AGBL4: variants seen among roughly 807,000 people sequenced by gnomAD.
AGBL4 encodes cytosolic carboxypeptidase 6.
Under a neutral mutation model 66.4 loss-of-function variants are expected in AGBL4, and 58 were observed. The observed-to-expected ratio is 0.87, with a 90% CI of 0.71 to 1.09. The LOEUF is 1.09. AGBL4 is among the 50% of genes least tolerant of loss of function. AGBL4 has a pLI of 0.00. For synonymous variants in AGBL4, 234 were observed against 222.9 expected (o/e 1.05, Z -0.44); for missense variants, 579 against 631.0 (o/e 0.92, Z 0.88).
intron 6 of AGBL4, among the ~76,000 whole-genome samples, chr1:48,740,298 G>C (rs1298376944): frequency 6.6e-6 from 1 of 152,200 alleles, no homozygotes. Flanking sequence ...AGACTGGTGA[G>C]AGTACTGGCC....
chr1:48,559,710 C>T (rs1482433483), intron 11 of AGBL4, among the ~76,000 whole-genome samples: 2 of 152,086 alleles, frequency 1.3e-5, no homozygotes, highest in Non-Finnish European at 2.9e-5. Flanking sequence ...CTCGAATGTT[C>T]TTAATCCAGC....
intron 3 of AGBL4, among the ~76,000 whole-genome samples, chr1:49,423,846 G>A (rs140952623): frequency 2.7e-5 from 4 of 147,984 alleles, no homozygotes; most frequent in African/African-American, 7.4e-5. Flanking sequence ...GGCAACTAAC[G>A]TAAATGGTTT....
Position 49,636,130 on chromosome 1 carries a change from GA to G in AGBL4, c.282+61182del, listed in dbSNP as rs1165427558. ...TAGATTATAAATGTAAATATGGAAG[GA>G]AAACCAGAGAGTAGAATGGATAAAC... On this transcript the variant is annotated intron_variant, in intron 3 of 13. Transcript: ENST00000371839. Among the ~76,000 whole-genome samples, 6 of 152,226 alleles carry G rather than the reference GA, an allele frequency of 3.9e-5. No individual in the cohort carries two copies. In the East Asian group the frequency reaches 1.2e-3, roughly 29 times the overall value.
intron 5 of AGBL4, among the ~76,000 whole-genome samples, chr1:48,977,670 AT>A (rs1289760709): frequency 6.6e-6 from 1 of 152,128 alleles, no homozygotes; most frequent in Non-Finnish European, 1.5e-5. Flanking sequence ...ACCACTGGTC[AT>A]TTAGAGTTCC....
chr1:49,465,835 C>T lies in AGBL4; in HGVS notation c.283-219971G>A, dbSNP rs1262436316. ...GTGAAAGTCTGATGTTTATTCCCCT[C>T]AAAACACCAAATTATACTGAGAAGA... On this transcript the variant is annotated intron_variant, in intron 3 of 13. Coordinates refer to ENST00000371839, the MANE Select transcript of AGBL4 (RefSeq NM_032785.4). Among the ~76,000 whole-genome samples, 4 of 151,824 alleles carry T rather than the reference C, an allele frequency of 2.6e-5. No individual in the cohort carries two copies. In the South Asian group the frequency reaches 6.2e-4, roughly 24 times the overall value.
chr1:48,696,761 A>C (rs17374251), intron 6 of AGBL4, among the ~76,000 whole-genome samples: 2,106 of 152,282 alleles, frequency 0.014, 19 homozygotes, highest in Non-Finnish European at 0.022. Context: ...AGTTTATAGA[A>C]ATTACAGCAA....
At chr1:49,171,376 C>T (rs1193933384) in intron 4 of AGBL4, among the ~76,000 whole-genome samples, 2 of 152,166 alleles carry the variant, frequency 1.3e-5, no homozygotes, top group East Asian at 1.9e-4. Flanking sequence ...CATCAGTGTA[C>T]TCCAGTACAA....
chr1:49,504,990 C>CT (rs1199162176), intron 3 of AGBL4, among the ~76,000 whole-genome samples: 2 of 151,888 alleles, frequency 1.3e-5, no homozygotes, highest in Admixed American at 1.3e-4. Context: ...TGATTCTTTG[C>CT]TTTTTTATCT....
chr1:49,089,117 G>T (rs907957615), intron 4 of AGBL4, among the ~76,000 whole-genome samples: 1 of 151,536 alleles, frequency 6.6e-6, no homozygotes, highest in Non-Finnish European at 1.5e-5. Flanking sequence ...TAAGAGAGAA[G>T]TTTATAGCAC....
chr1:48,859,132 G>A (rs539823183), intron 6 of AGBL4, among the ~76,000 whole-genome samples: 1 of 151,980 alleles, frequency 6.6e-6, no homozygotes, highest in Admixed American at 6.5e-5. Context: ...TTTTCCCTCT[G>A]TCACAATGAC....
chr1:48,910,862 A>G (rs922960849), intron 5 of AGBL4, among the ~76,000 whole-genome samples: 1 of 152,182 alleles, frequency 6.6e-6, no homozygotes, highest in Non-Finnish European at 1.5e-5. Context: ...CACCAAAGCT[A>G]ATCTATACCA....
chr1:49,916,304 C>T (rs372388061), intron 1 of AGBL4, among the ~76,000 whole-genome samples: 4 of 152,132 alleles, frequency 2.6e-5, no homozygotes, highest in East Asian at 3.9e-4. Flanking sequence ...GGAGGAAGTT[C>T]GAACCCATCA....
intron 3 of AGBL4, among the ~76,000 whole-genome samples, chr1:49,614,354 G>A (rs1024506486): frequency 6.6e-6 from 1 of 151,994 alleles, no homozygotes; most frequent in Non-Finnish European, 1.5e-5. Flanking sequence ...GTTTTTGTGA[G>A]ATTCTTCCAT....
intron 3 of AGBL4, among the ~76,000 whole-genome samples, chr1:49,278,848 C>T (rs1467139794): frequency 2.9e-4 from 44 of 152,154 alleles, no homozygotes; most frequent in Admixed American, 2.6e-3. Flanking sequence ...ATCAAATAAG[C>T]ATGTTTAGTA....
chr1:49,918,927 A>C (rs1016415339), intron 1 of AGBL4, among the ~76,000 whole-genome samples: 1 of 152,214 alleles, frequency 6.6e-6, no homozygotes, highest in African/African-American at 2.4e-5. Context: ...GGCTGGTTCA[A>C]CATACAAAAA....
chr1:48,603,295 C>T (rs370666160), intron 9 of AGBL4, among the ~76,000 whole-genome samples: 26 of 152,204 alleles, frequency 1.7e-4, no homozygotes, highest in African/African-American at 6.0e-4. Flanking sequence ...CATGGTGAAA[C>T]CCTGGCTCTA....
At chr1:49,618,581 A>T (rs1435715958) in intron 3 of AGBL4, among the ~76,000 whole-genome samples, 1 of 152,178 alleles carries the variant, frequency 6.6e-6, no homozygotes, top group African/African-American at 2.4e-5. Context: ...TATTCCAAAC[A>T]ATAGAAAAAG....
At chr1:49,365,852 T>G (rs553847382) in intron 3 of AGBL4, among the ~76,000 whole-genome samples, 3 of 152,284 alleles carry the variant, frequency 2.0e-5, no homozygotes, top group Non-Finnish European at 4.4e-5. Context: ...TGTTACTTAC[T>G]AGGTAGTAGA....
chr1:49,785,796 T>C (rs1644437644), intron 2 of AGBL4, among the ~76,000 whole-genome samples: 1 of 150,976 alleles, frequency 6.6e-6, no homozygotes, highest in South Asian at 2.1e-4. Flanking sequence ...TAGAAAAAAG[T>C]GTTACAAAAA....
Sources: allele counts gnomAD v4.1 joint callset (sites outside exome capture counted in the v4.1 genomes callset), GRCh38; gene constraint gnomAD v4.1.1; transcripts MANE v1.5; gene names NCBI Gene and HGNC (gene_info 2026-07-23, HGNC 2026-07-21).